Variants in LRRC69 observed in about 807,000 individuals in gnomAD.
LRRC69 encodes the protein leucine rich repeat containing 69.
In LRRC69, 42 loss-of-function variants were observed where a neutral mutation model predicts 37.8. That is an observed-to-expected ratio of 1.11 (90% CI 0.87 to 1.44). LRRC69 has a LOEUF of 1.44. Ranked by LOEUF, LRRC69 falls within the 40% of genes most tolerant of loss-of-function variation. LRRC69 has a pLI of 0.00. For synonymous variants in LRRC69, 141 were observed against 143.1 expected, an observed-to-expected ratio of 0.99 and a Z score of 0.11; for missense variants, 357 against 401.9, an observed-to-expected ratio of 0.89 and a Z score of 0.96.
chr8:91,179,667 C>T (rs1176880724), intron 5 of LRRC69, among the ~76,000 whole-genome samples: 3 of 152,182 alleles, frequency 2.0e-5, no homozygotes, highest in Admixed American at 6.5e-5. Flanking sequence ...TGACCCTAGG[C>T]ATTCACTACC....
chr8:91,130,992 CCCATCTCATAATA>C (rs776550084), intron 3 of LRRC69, among the ~76,000 whole-genome samples: 10 of 151,964 alleles, frequency 6.6e-5, no homozygotes, highest in Non-Finnish European at 1.2e-4. Flanking sequence ...TCCCAAAGGC[CCCATCTCATAATA>C]CCATCACATT....
At position 91,189,566 on chromosome 8, in the gene LRRC69, A is replaced by C. The variant is rs182104008; in HGVS notation, c.696A>C (p.Pro232=). Residue 232 remains proline (P), a synonymous_variant, in exon 6 of 8, where the codon CCA becomes CCC. Transcript: ENST00000448384. ...GGGAATTCTACTGTGAGGGAAACCCACTGTTCCTGCAGCAGCCAGTGATTT... is the reference window on the plus strand; with the variant it reads ...GGGAATTCTACTGTGAGGGAAACCCCCTGTTCCTGCAGCAGCCAGTGATTT... 14,287 of 1,551,128 alleles carry C rather than the reference A, an allele frequency of 9.2e-3. 115 individuals are homozygous for C. The highest frequency in any genetic ancestry group is 9.6e-3 in the Non-Finnish European group (11,010 of 1,146,574).
At chr8:91,146,075 A>G (rs1026454637) in intron 5 of LRRC69, among the ~76,000 whole-genome samples, 4 of 151,824 alleles carry the variant, frequency 2.6e-5, no homozygotes, top group Non-Finnish European at 5.9e-5. Context: ...TTTTATTAGA[A>G]TTAAAGATAG....
At chr8:91,124,862 A>G in intron 2 of LRRC69, 2 of 351,658 alleles carry the variant, frequency 5.7e-6, no homozygotes, top group Non-Finnish European at 5.1e-6. Flanking sequence ...TCCTCTTTGT[A>G]GAATCAGTAT....
intron 5 of LRRC69, among the ~76,000 whole-genome samples, chr8:91,146,016 T>G (rs1226343552): frequency 1.3e-5 from 2 of 151,992 alleles, no homozygotes; most frequent in East Asian, 3.9e-4. Context: ...CTTTCTCTTT[T>G]TAGTTAACTT....
chr8:91,186,049 C>T (rs1809402871), intron 5 of LRRC69, among the ~76,000 whole-genome samples: 1 of 152,140 alleles, frequency 6.6e-6, no homozygotes, highest in Admixed American at 6.6e-5. Flanking sequence ...AGTCCTGGGG[C>T]TTTGTGGGAA....
intron 6 of LRRC69, among the ~76,000 whole-genome samples, chr8:91,197,158 G>C (rs1397315587): frequency 2.0e-5 from 3 of 152,134 alleles, no homozygotes; most frequent in African/African-American, 7.2e-5. Flanking sequence ...CTACTCGGGG[G>C]TCAGGGGTCA....
intron 5 of LRRC69, among the ~76,000 whole-genome samples, chr8:91,176,134 A>ATATATATATATATATTTTTTTTTTTTTT: frequency 1.3e-5 from 1 of 75,710 alleles, no homozygotes; most frequent in African/African-American, 6.1e-5. Flanking sequence ...ATATATATAT[A>ATATATATATATATATTTTTTTTTTTTTT]TTTTTTTTTT....
chr8:91,185,352 T>C (rs1809390502), intron 5 of LRRC69, among the ~76,000 whole-genome samples: 1 of 128,510 alleles, frequency 7.8e-6, no homozygotes, highest in South Asian at 2.8e-4. Context: ...TCTGTCTCTC[T>C]CTCTCTCTAT....
At chr8:91,113,608 A>G (rs1406184570) in intron 1 of LRRC69, among the ~76,000 whole-genome samples, 1 of 151,966 alleles carries the variant, frequency 6.6e-6, no homozygotes, top group Non-Finnish European at 1.5e-5. Context: ...CTGTGAAACT[A>G]CTAAAAGGAA....
intron 5 of LRRC69, among the ~76,000 whole-genome samples, chr8:91,163,131 C>G (rs960084656): frequency 6.6e-6 from 1 of 151,258 alleles, no homozygotes; most frequent in Non-Finnish European, 1.5e-5. Flanking sequence ...GATATCAACT[C>G]CTCAGGAGAG....
At chr8:91,190,703 T>C (rs1314180596) in intron 6 of LRRC69, among the ~76,000 whole-genome samples, 1 of 152,174 alleles carries the variant, frequency 6.6e-6, no homozygotes, top group African/African-American at 2.4e-5. Flanking sequence ...TTTTAACTAC[T>C]TCCCCACTGT....
chr8:91,155,733 G>T (rs1450901890), intron 5 of LRRC69, among the ~76,000 whole-genome samples: 1 of 150,328 alleles, frequency 6.7e-6, no homozygotes, highest in African/African-American at 2.4e-5. Context: ...GATAACATGC[G>T]GTATTTATCT....
At chr8:91,128,420 G>A (rs781573345) in intron 3 of LRRC69, among the ~76,000 whole-genome samples, 1 of 152,004 alleles carries the variant, frequency 6.6e-6, no homozygotes, top group Non-Finnish European at 1.5e-5. Context: ...ACTGAAGAAA[G>A]TAGGATTGCA....
At chr8:91,157,239 A>G in intron 5 of LRRC69, 3 of 1,346,520 alleles carry the variant, frequency 2.2e-6, no homozygotes, top group Non-Finnish European at 3.2e-6. Context: ...GAATTCTGAC[A>G]TTAGAAAGCA....
At chr8:91,114,307 C>G (rs1262897155) in intron 1 of LRRC69, among the ~76,000 whole-genome samples, 1 of 151,884 alleles carries the variant, frequency 6.6e-6, no homozygotes, top group African/African-American at 2.4e-5. Context: ...GGGTATATAT[C>G]CAAAGCAAAT....
chr8:91,200,704 T>C (rs1809697593), exon 7 of LRRC69: 1 of 1,534,784 alleles, frequency 6.5e-7, no homozygotes, highest in Non-Finnish European at 8.8e-7. Context: ...GTCAGGAGCA[T>C]GATCTCTCAG....
At chr8:91,164,165 C>T (rs768908711) in intron 5 of LRRC69, among the ~76,000 whole-genome samples, 4 of 151,352 alleles carry the variant, frequency 2.6e-5, no homozygotes, top group Non-Finnish European at 5.9e-5. Flanking sequence ...GTTTTTTCTC[C>T]AAGTGCCCAT....
At chr8:91,202,204 TAAAACAAAAACA>T (rs140816721) in intron 7 of LRRC69, among the ~76,000 whole-genome samples, 2 of 151,560 alleles carry the variant, frequency 1.3e-5, no homozygotes, top group South Asian at 2.1e-4. Flanking sequence ...AGACTCTGTC[TAAAACAAAAACA>T]AAAACAAAAA....
Sources: gnomAD v4.1 joint callset for allele counts (sites outside exome capture counted in the v4.1 genomes callset) on GRCh38, gnomAD v4.1.1 for gene constraint, MANE v1.5 for transcripts, NCBI Gene and HGNC (gene_info 2026-07-23, HGNC 2026-07-21) for gene names.